Variants in GLIS3 observed in about 807,000 individuals in gnomAD.
GLIS3 encodes the protein zinc finger protein GLIS3.
A neutral mutation model predicts 78.6 loss-of-function variants in GLIS3; 53 were observed. The ratio of observed to expected loss-of-function variants is 0.67; its 90% CI spans 0.54 to 0.85. The LOEUF is 0.85. GLIS3 is among the 40% of genes least tolerant of loss of function. GLIS3 has a pLI of 0.00. For synonymous variants in GLIS3, 684 were observed against 509.9 expected (o/e 1.34, Z -4.60); for missense variants, 1,703 against 1,231.1 (o/e 1.38, Z -5.74).
chr9:4,275,309 G>C (rs117716386), intron 2 of GLIS3, among the ~76,000 whole-genome samples: 2 of 152,142 alleles, frequency 1.3e-5, no homozygotes, highest in Non-Finnish European at 2.9e-5. Flanking sequence ...GGATGGAAAC[G>C]ACAGCTGAAT....
intron 2 of GLIS3, chr9:4,145,102 C>T (rs886230734): frequency 7.2e-5 from 11 of 152,190 alleles, no homozygotes; most frequent in African/African-American, 2.7e-4. Context: ...GCTCCCAGAT[C>T]CCCCACAGGA....
At chr9:4,285,013 C>T (rs1032334452) in intron 2 of GLIS3, among the ~76,000 whole-genome samples, 2 of 152,074 alleles carry the variant, frequency 1.3e-5, no homozygotes, top group South Asian at 2.1e-4. Context: ...CACAGAAATA[C>T]ACAGACTCTA....
intron 2 of GLIS3, among the ~76,000 whole-genome samples, chr9:4,237,576 C>A (rs1030938393): frequency 2.0e-5 from 3 of 152,180 alleles, no homozygotes; most frequent in African/African-American, 7.2e-5. Flanking sequence ...TTTAAACCAG[C>A]TGTTTCAGTG....
chr9:4,121,986 T>A (rs145307126), intron 3 of GLIS3, among the ~76,000 whole-genome samples: 1 of 152,242 alleles, frequency 6.6e-6, no homozygotes, highest in African/African-American at 2.4e-5. Context: ...AATCTCCATT[T>A]CCATATGCTC....
the GLIS3 span, among the ~76,000 whole-genome samples, chr9:4,445,060 A>G: frequency 6.6e-6 from 1 of 152,128 alleles, no homozygotes; most frequent in Admixed American, 6.6e-5. Flanking sequence ...TTTAATCATT[A>G]TGCATCAACT....
chr9:4,347,708 GTT>G (rs201369864), intron 1 of GLIS3, among the ~76,000 whole-genome samples: 3,300 of 152,130 alleles, frequency 0.022, 121 homozygotes, highest in African/African-American at 0.075. Flanking sequence ...CTTTTTGTTT[GTT>G]TGTTTTTGGT....
chr9:4,267,447 AG>A (rs1432556613), intron 2 of GLIS3, among the ~76,000 whole-genome samples: 3 of 152,226 alleles, frequency 2.0e-5, no homozygotes, highest in Non-Finnish European at 2.9e-5. Flanking sequence ...TTCTGGATGT[AG>A]AAAAATATGA....
At chr9:3,959,091 G>C (rs1479506467) in intron 4 of GLIS3, among the ~76,000 whole-genome samples, 1 of 152,194 alleles carries the variant, frequency 6.6e-6, no homozygotes. Context: ...AAATGCTTAT[G>C]TTGAAACCCC....
chr9:4,141,068 G>C (rs997632614), intron 2 of GLIS3, among the ~76,000 whole-genome samples: 2 of 152,146 alleles, frequency 1.3e-5, no homozygotes, highest in Non-Finnish European at 2.9e-5. Context: ...CCAAAGTTCA[G>C]AGATTATAGG....
intron 2 of GLIS3, among the ~76,000 whole-genome samples, chr9:4,280,144 C>T (rs937911930): frequency 1.4e-4 from 21 of 152,172 alleles, no homozygotes; most frequent in African/African-American, 5.1e-4. Context: ...CTCGGCCTCC[C>T]GCATAGCTGC....
chr9:3,875,446 T>C (rs1821249460), intron 8 of GLIS3: 1 of 152,122 alleles, frequency 6.6e-6, no homozygotes, highest in Admixed American at 6.6e-5. Context: ...TTTTTTAGCA[T>C]GTGAAAGCTA....
intron 4 of GLIS3, among the ~76,000 whole-genome samples, chr9:3,950,330 A>G (rs115309799): frequency 0.016 from 2,431 of 152,176 alleles, 67 homozygotes; most frequent in African/African-American, 0.056. Flanking sequence ...GAAATCTAAT[A>G]ATGTTCCTCT....
At position 4,137,182 on chromosome 9, in the gene GLIS3, T is replaced by A. The variant is rs75825614; in HGVS notation, c.389-11241A>T. 9.8e-5 allele frequency among the ~76,000 whole-genome samples: 15 copies of A among 152,286 alleles called. No individual in the cohort carries two copies. The South Asian group carries it at 3.1e-3, about 32-fold the overall frequency. ...AATTAGTTGCTAAAGATTTAGGCGATCACATTTAAATGGGAGAGGGGGGCC... is the reference window on the plus strand; with the variant it reads ...AATTAGTTGCTAAAGATTTAGGCGAACACATTTAAATGGGAGAGGGGGGCC... On this transcript the variant is annotated intron_variant, in intron 2 of 10. Coordinates refer to ENST00000381971, the MANE Select transcript of GLIS3 (RefSeq NM_001042413.2).
intron 2 of GLIS3, among the ~76,000 whole-genome samples, chr9:4,129,539 C>T (rs929317710): frequency 1.3e-5 from 2 of 152,124 alleles, no homozygotes; most frequent in African/African-American, 4.8e-5. Flanking sequence ...AAGTGTGTGG[C>T]ACCTCCCCCT....
chr9:4,316,669 C>T (rs564735744), intron 2 of GLIS3, among the ~76,000 whole-genome samples: 1 of 152,076 alleles, frequency 6.6e-6, no homozygotes, highest in African/African-American at 2.4e-5. Flanking sequence ...GTGAGTGTGC[C>T]CTGAGATGGG....
chr9:4,161,871 G>A (rs191141443), intron 2 of GLIS3, among the ~76,000 whole-genome samples: 3 of 150,860 alleles, frequency 2.0e-5, no homozygotes, highest in Admixed American at 6.6e-5. Context: ...TTTCAGTAGA[G>A]ATGGGGGTTT....
At chr9:4,176,485 A>G (rs1816824339) in intron 2 of GLIS3, among the ~76,000 whole-genome samples, 1 of 152,150 alleles carries the variant, frequency 6.6e-6, no homozygotes, top group Non-Finnish European at 1.5e-5. Flanking sequence ...CTTAATTTTA[A>G]TATTTTACCA....
At chr9:4,391,262 G>A in the GLIS3 span, among the ~76,000 whole-genome samples, 3 of 152,310 alleles carry the variant, frequency 2.0e-5, no homozygotes, top group African/African-American at 7.2e-5. Flanking sequence ...ACCTCCAGAA[G>A]AGCCTGCCTC....
At chr9:4,137,160 T>C (rs564234427) in intron 2 of GLIS3, among the ~76,000 whole-genome samples, 3 of 152,234 alleles carry the variant, frequency 2.0e-5, no homozygotes, top group South Asian at 2.1e-4. Flanking sequence ...ATTTTATAAT[T>C]AGTTGCTAAA....
Sources: gnomAD v4.1 joint callset for allele counts (sites outside exome capture counted in the v4.1 genomes callset) on GRCh38, gnomAD v4.1.1 for gene constraint, MANE v1.5 for transcripts, NCBI Gene and HGNC (gene_info 2026-07-23, HGNC 2026-07-21) for gene names.